Variants in ADAM12 observed in about 807,000 individuals in gnomAD.
ADAM12 encodes the protein ADAM metallopeptidase domain 12.
ADAM12 carries 70 observed loss-of-function variants against 106.4 expected under a neutral mutation model. That is an observed-to-expected ratio of 0.66 (90% CI 0.54 to 0.80). The LOEUF (loss-of-function observed/expected upper bound fraction) is 0.80. Among genes scored for constraint, ADAM12 ranks in the 30% least tolerant of loss-of-function variants. The probability of loss-of-function intolerance (pLI) is 0.00; values close to 1 mark genes in which losing one functional copy is unlikely to be tolerated. For synonymous variants in ADAM12, 420 were observed against 433.5 expected (o/e 0.97, Z 0.39); for missense variants, 1,010 against 1,171.9 (o/e 0.86, Z 2.02).
intron 1 of ADAM12, among the ~76,000 whole-genome samples, chr10:126,338,246 ATTTTTTTTTT>A (rs200317403): frequency 3.3e-5 from 3 of 89,854 alleles, no homozygotes; most frequent in Admixed American, 1.5e-4. Context: ...AGTAACTTAC[ATTTTTTTTTT>A]TTTTTTTTTT....
intron 11 of ADAM12, among the ~76,000 whole-genome samples, chr10:126,092,022 A>C (rs1255142261): frequency 2.0e-5 from 3 of 152,202 alleles, no homozygotes; most frequent in Non-Finnish European, 2.9e-5. Context: ...CCAGGGGGTT[A>C]CTAAACTGCC....
chr10:126,118,293 G>A, intron 5 of ADAM12, 69 bp from the exon 6 acceptor site: 7 of 1,119,628 alleles, frequency 6.3e-6, no homozygotes, highest in Non-Finnish European at 8.9e-6. Flanking sequence ...CCAAGACACA[G>A]TTCTTAACAA....
chr10:126,352,404 T>TGTATACTG (rs1426371951), intron 1 of ADAM12, among the ~76,000 whole-genome samples: 1 of 152,220 alleles, frequency 6.6e-6, no homozygotes. Context: ...AAGCAAAATG[T>TGTATACTG]GTATACTGAC....
rs115475759 is a variant in ADAM12, at chr10:126,160,051, T to G, written c.261-4746A>C. ...CTTATGCAGTCTGGAAAAGAAATGT[T>G]GATTTACAGATAAGATGCAGTCATA... On this transcript the variant is annotated intron_variant, in intron 3 of 22. Coordinates refer to ENST00000448723, the MANE Select transcript of ADAM12 (RefSeq NM_001288973.2). Among the ~76,000 whole-genome samples, 1,094 of 152,310 alleles carry G rather than the reference T, an allele frequency of 7.2e-3. 12 individuals carry two copies. Among genetic ancestry groups the G allele is most frequent in the African/African-American group, 0.024 (1,011 of 41,572 alleles).
At chr10:126,039,199 A>G (rs1278255) in intron 19 of ADAM12, 95 bp downstream of exon 19, 410,136 of 1,448,410 alleles carry the variant, frequency 0.28, 59,997 homozygotes, top group East Asian at 0.42. Flanking sequence ...CGCCCGCCTC[A>G]GCCTCCCAAA....
At chr10:126,321,934 C>T (rs992143894) in intron 2 of ADAM12, among the ~76,000 whole-genome samples, 1 of 148,162 alleles carries the variant, frequency 6.7e-6, no homozygotes. Flanking sequence ...ACCTCATGTG[C>T]ACAACAGCAT....
chr10:126,158,367 C>CACAGGGAGG (rs1956860450), intron 3 of ADAM12, among the ~76,000 whole-genome samples: 1 of 34,716 alleles, frequency 2.9e-5, no homozygotes, highest in African/African-American at 7.0e-5. Flanking sequence ...ATGCACAGAG[C>CACAGGGAGG]ATGGGAAGAT....
At chr10:126,190,196 CTCTTTTTTTTTT>C (rs1291002758) in intron 3 of ADAM12, among the ~76,000 whole-genome samples, 22 of 145,126 alleles carry the variant, frequency 1.5e-4, no homozygotes, top group Admixed American at 1.2e-3. Flanking sequence ...GCCCAATTCA[CTCTTTTTTTTTT>C]TCTTTTTTTT....
intron 18 of ADAM12, chr10:126,041,392 G>A (rs959302000): frequency 2.0e-6 from 2 of 985,800 alleles, no homozygotes; most frequent in African/African-American, 1.7e-5. Context: ...GGGGGATGGA[G>A]TTAGGCTCTT....
At chr10:126,170,839 T>C (rs150839375) in intron 3 of ADAM12, among the ~76,000 whole-genome samples, 5 of 152,222 alleles carry the variant, frequency 3.3e-5, no homozygotes, top group Non-Finnish European at 5.9e-5. Flanking sequence ...AAGTGCTTAG[T>C]TGATTTACTA....
chr10:126,369,650 G>C (rs1307687922), intron 1 of ADAM12, among the ~76,000 whole-genome samples: 1 of 152,166 alleles, frequency 6.6e-6, no homozygotes, highest in Non-Finnish European at 1.5e-5. Flanking sequence ...TTACCAATCA[G>C]ATGCTGCTGC....
rs189881621 is a variant in ADAM12, at chr10:126,142,095, G to A, written c.340-6435C>T. Among the ~76,000 whole-genome samples, 42 of 152,322 alleles carry A rather than the reference G, an allele frequency of 2.8e-4. No homozygotes were observed. In the South Asian group the frequency reaches 8.3e-3, roughly 30 times the overall value. ...CAGACACTTCCCTCCATACCTGGCT[G>A]TCAGAAACATGCATTTCTCTCAGAA... On this transcript the variant is annotated intron_variant, in intron 4 of 22. Transcript: ENST00000448723.
chr10:126,113,722 AT>A (rs1565067821), intron 6 of ADAM12, among the ~76,000 whole-genome samples: 1,840 of 50,050 alleles, frequency 0.037, 149 homozygotes, highest in East Asian at 0.1. Flanking sequence ...ATATATATAT[AT>A]ATATATATAA....
intron 11 of ADAM12, among the ~76,000 whole-genome samples, chr10:126,086,298 G>A (rs1010407105): frequency 3.9e-5 from 6 of 152,040 alleles, no homozygotes; most frequent in African/African-American, 9.7e-5. Context: ...GGAAAAAGCC[G>A]CTTGACTTTA....
intron 14 of ADAM12, among the ~76,000 whole-genome samples, chr10:126,061,779 G>A (rs1954760618): frequency 6.6e-6 from 1 of 152,322 alleles, no homozygotes; most frequent in Admixed American, 6.5e-5. Context: ...ATGCTCCCCA[G>A]AGCCTCCCAA....
At position 126,388,189 on chromosome 10, in the gene ADAM12, G is replaced by A; in HGVS notation, c.-44C>T. 1 of 1,201,266 alleles carries A rather than the reference G, an allele frequency of 8.3e-7. No homozygotes were observed. The allele number at this position is 1,201,266 out of a possible 1,614,324, so 74.4% of individuals were successfully genotyped here. ...CAGCAGCTCTCGGGCCCGGCGGCGA[G>A]CGCTGCACCATCCCACGCGGGCGCC... On this transcript the variant is annotated 5_prime_UTR_variant, in exon 1 of 23. Transcript: ENST00000448723. The surrounding 1 kb of genome is among the most constrained non-coding windows in gnomAD (Gnocchi z 4.4).
chr10:126,246,682 C>T (rs922878715), intron 3 of ADAM12, among the ~76,000 whole-genome samples: 2 of 152,198 alleles, frequency 1.3e-5, no homozygotes, highest in African/African-American at 2.4e-5. Flanking sequence ...TAAAATTCAA[C>T]ACCCCCTCAT....
chr10:126,265,709 G>A (rs1325754407), intron 3 of ADAM12, among the ~76,000 whole-genome samples: 7 of 152,110 alleles, frequency 4.6e-5, no homozygotes, highest in African/African-American at 1.4e-4. Context: ...TTGAGAGTGT[G>A]GAAAATTCTA....
At chr10:126,083,137 CG>C (rs1554966603) in intron 11 of ADAM12, among the ~76,000 whole-genome samples, 1 of 152,200 alleles carries the variant, frequency 6.6e-6, no homozygotes, top group Non-Finnish European at 1.5e-5. Context: ...CTGCCTGGAG[CG>C]GGGCTGGCCA....
Sources: gnomAD v4.1 joint callset for allele counts (sites outside exome capture counted in the v4.1 genomes callset) on GRCh38, gnomAD v4.1.1 for gene constraint, Gnocchi (gnomAD v3.1) non-coding constraint, MANE v1.5 for transcripts, NCBI Gene and HGNC (gene_info 2026-07-23, HGNC 2026-07-21) for gene names.